Variants in RPL27A observed in about 807,000 individuals in gnomAD.
The protein encoded by RPL27A is large ribosomal subunit protein uL15.
For missense variants in RPL27A, 118 were observed against 189.4 expected (o/e 0.62, Z 2.21); for synonymous variants, 69 against 68.3 (o/e 1.01, Z -0.05).
Position 8,685,712 on chromosome 11 carries a change from C to T in RPL27A, c.353C>T (p.Pro118Leu). 1 of 1,614,118 alleles carries T rather than the reference C, an allele frequency of 6.2e-7. No individual in the cohort carries two copies. The highest frequency in any genetic ancestry group is 8.5e-7 in the Non-Finnish European group (1 of 1,179,984). The change falls in exon 5 of 5, where the codon CCA (proline) becomes CTA (leucine). Residue 118 changes from proline to leucine, a missense_variant. By Grantham distance (98) the Pro-to-Leu change is moderately conservative (BLOSUM62 -3). Coordinates refer to ENST00000314138, the MANE Select transcript of RPL27A (RefSeq NM_000990.5). ...AAAGTTCTGGGAAAGGGAAAGCTCCCAAAGCAGCCTGTCATCGTGAAGGCC... is the reference window on the plus strand; with the variant it reads ...AAAGTTCTGGGAAAGGGAAAGCTCCTAAAGCAGCCTGTCATCGTGAAGGCC... Reference protein sequence around the residue: ...YYKVLGKGKLPKQPVIVKAKF... With the variant: ...YYKVLGKGKLLKQPVIVKAKF...
At chr11:8,685,550 T>C (rs1277023353) in intron 4 of RPL27A, 128 bp from the exon 5 acceptor site, 2 of 1,032,454 alleles carry the variant, frequency 1.9e-6, no homozygotes, top group Admixed American at 1.7e-5. Context: ...CCCCCGTTAG[T>C]GCCCAGATCA....
Position 8,688,729 on chromosome 11 carries a change from C to T in RPL27A, c.*2923C>T, listed in dbSNP as rs1372131287. ...CATAATTTGCACAAGCAGTGCTCGT[C>T]AAGGGCAGCTAAATCAGGCGAGCTT... On this transcript the variant is annotated 3_prime_UTR_variant, in exon 5 of 5. Coordinates refer to ENST00000314138, the MANE Select transcript of RPL27A (RefSeq NM_000990.5). 2 of 152,246 alleles carry T rather than the reference C, an allele frequency of 1.3e-5. No homozygotes were observed. Among genetic ancestry groups the T allele is most frequent in the Non-Finnish European group, 2.9e-5 (2 of 68,042 alleles). 9.4% of individuals were successfully genotyped at this position (152,246 alleles called of 1,614,324 possible).
At chr11:8,684,392 A>C in intron 3 of RPL27A, 2 of 718,664 alleles carry the variant, frequency 2.8e-6, no homozygotes, top group East Asian at 5.5e-5. Flanking sequence ...GTGGATGATA[A>C]ATTTTGGCTA....
chr11:8,685,658 T>G lies in RPL27A; in HGVS notation c.319-20T>G, dbSNP rs2039580447. ...GTACCTACTACAGTGTATTGTAAAC[T>G]TTTTTCTCTGTTCTTCTAGGGCTAC... On this transcript the variant is annotated intron_variant, in intron 4 of 4. Transcript: ENST00000314138. 1 of 1,613,782 alleles carries G rather than the reference T, an allele frequency of 6.2e-7. No individual in the cohort carries two copies. The highest frequency in any genetic ancestry group is 1.3e-5 in the African/African-American group (1 of 74,912).
chr11:8,685,392 T>C (rs2039576544), intron 4 of RPL27A: 1 of 602,350 alleles, frequency 1.7e-6, no homozygotes, highest in South Asian at 1.4e-5. Context: ...GTGGTTGTCT[T>C]CTTTTGCTTA....
chr11:8,682,994 G>T (rs1260017791), intron 1 of RPL27A, 178 bp downstream of exon 1: 9 of 930,518 alleles, frequency 9.7e-6, no homozygotes, highest in Non-Finnish European at 1.3e-5. Context: ...CCGTGTGTTA[G>T]GCCCGCGGTT....
chr11:8,683,328 A>C lies in RPL27A; in HGVS notation c.67+63A>C, dbSNP rs540737949. On this transcript the variant is annotated intron_variant, in intron 2 of 4. Coordinates refer to ENST00000314138, the MANE Select transcript of RPL27A (RefSeq NM_000990.5). The stretch of plus-strand genomic sequence containing the variant: ...CTCTTCGGGTGCTTAGCTAGTCTGG[A>C]GATCGGTAGCCTATAAGTGGGTTAG... The C allele has an allele frequency of 8.6e-4, 1,230 of 1,426,798 alleles. 1 individual carries two copies. Among genetic ancestry groups the C allele is most frequent in the Non-Finnish European group, 1.1e-3 (1,099 of 1,009,974 alleles). The allele number at this position is 1,426,798 out of a possible 1,614,324, so 88.4% of individuals were successfully genotyped here. A position where few individuals can be genotyped will look rare whatever the true frequency, so the allele number is the denominator to read the frequency against.
Position 8,682,833 on chromosome 11 carries a change from T to A in RPL27A, c.3+17T>A. 6.2e-7 allele frequency: 1 copy of A among 1,610,790 alleles called. No individual in the cohort carries two copies. Among genetic ancestry groups the A allele is most frequent in the Non-Finnish European group, 8.5e-7 (1 of 1,178,328 alleles). On this transcript the variant is annotated intron_variant, in intron 1 of 4. Coordinates refer to ENST00000314138, the MANE Select transcript of RPL27A (RefSeq NM_000990.5). ...GCCAACATGGTAGGTGTTTCGTTTC[T>A]TGCCTCCTCTTCCTTGCCGGCGGAG...
At chr11:8,685,276 T>A in intron 4 of RPL27A, 1 of 453,374 alleles carries the variant, frequency 2.2e-6, no homozygotes, top group Admixed American at 3.0e-5. Context: ...CAGTCTTAAC[T>A]CTCATGAATA....
rs1247966678 is a variant in RPL27A, at chr11:8,686,891, C to CTA, written c.*1086_*1087dup. The CTA allele has an allele frequency of 6.6e-6, 1 of 152,068 alleles. No individual in the cohort carries two copies. The highest frequency in any genetic ancestry group is 1.5e-5 in the Non-Finnish European group (1 of 68,030). The allele number at this position is 152,068 out of a possible 1,614,324, so 9.4% of individuals were successfully genotyped here. A position where few individuals can be genotyped will look rare whatever the true frequency, so the allele number is the denominator to read the frequency against. On this transcript the variant is annotated 3_prime_UTR_variant, in exon 5 of 5. Coordinates refer to ENST00000314138, the MANE Select transcript of RPL27A (RefSeq NM_000990.5). ...TTTTTTTGACCCAAAATAATACAGT[C>CTA]TAAAACTATAGACAAATAAGATGGC... is the stretch of plus-strand genomic sequence containing the variant.
At chr11:8,683,176 C>CT (rs1361611458) in intron 1 of RPL27A, 26 bp from the exon 2 acceptor site, 8 of 1,613,232 alleles carry the variant, frequency 5.0e-6, no homozygotes, top group Non-Finnish European at 5.1e-6. Flanking sequence ...TTCCTTAGGC[C>CT]TTACCACCAA....
At chr11:8,682,989 TG>T in intron 1 of RPL27A, 173 bp downstream of exon 1, 1 of 944,946 alleles carries the variant, frequency 1.1e-6, no homozygotes, top group Non-Finnish European at 1.6e-6. Flanking sequence ...CGGAGCCGTG[TG>T]TTAGGCCCGC....
chr11:8,682,927 G>A (rs963687557), intron 1 of RPL27A, 111 bp downstream of exon 1: 4 of 1,398,850 alleles, frequency 2.9e-6, no homozygotes, highest in East Asian at 2.3e-5. Flanking sequence ...TCCAGGCTGC[G>A]CATGGCCGCC....
At position 8,685,570 on chromosome 11, in the gene RPL27A, A is replaced by G. The variant is rs2039579289; in HGVS notation, c.319-108A>G. 2.4e-6 allele frequency: 3 copies of G among 1,273,898 alleles called. No homozygotes were observed. In the East Asian group the frequency reaches 7.0e-5, roughly 30 times the overall value. 78.9% of individuals were successfully genotyped at this position (1,273,898 alleles called of 1,614,324 possible). A position where few individuals can be genotyped will look rare whatever the true frequency, so the allele number is the denominator to read the frequency against. On this transcript the variant is annotated intron_variant, in intron 4 of 4. Coordinates refer to ENST00000314138, the MANE Select transcript of RPL27A (RefSeq NM_000990.5). ...GTTAGTGCCCAGATCAGAAACATAC[A>G]TACCCTGCCTAGGGATTTAGAAAGT...
At chr11:8,683,025 G>T in intron 1 of RPL27A, 177 bp from the exon 2 acceptor site, 1 of 841,608 alleles carries the variant, frequency 1.2e-6, no homozygotes, top group Non-Finnish European at 1.9e-6. Context: ...GGACACGCGG[G>T]CCCCTGCGCT....
intron 2 of RPL27A, 124 bp from the exon 3 acceptor site, chr11:8,683,882 G>A (rs538052428): frequency 3.7e-5 from 29 of 775,132 alleles, no homozygotes; most frequent in South Asian, 8.2e-5. Context: ...GGGTTTCTCC[G>A]TGTTGGCCAG....
In RPL27A at chr11:8,683,225, G is replaced by A. The variant is rs1267907427; in HGVS notation, c.27G>A (p.Arg9=). Residue 9 remains arginine, a synonymous_variant, in exon 2 of 5, where the codon CGG becomes CGA. Coordinates refer to ENST00000314138, the MANE Select transcript of RPL27A (RefSeq NM_000990.5). ...AGCCATCCAGACTGAGGAAGACCCGGAAACTTAGGGGCCACGTGAGCCACG... is the reference window on the plus strand; with the variant it reads ...AGCCATCCAGACTGAGGAAGACCCGAAAACTTAGGGGCCACGTGAGCCACG... MPSRLRKT[R]KLRGHVSHGH... 6 of 1,614,266 alleles carry A rather than the reference G, an allele frequency of 3.7e-6. No homozygotes were observed. The highest frequency in any genetic ancestry group is 5.1e-6 in the Non-Finnish European group (6 of 1,180,038).
Position 8,684,003 on chromosome 11 carries a change from C to T in RPL27A, c.68-3C>T. 1 of 1,610,850 alleles carries T rather than the reference C, an allele frequency of 6.2e-7. No homozygotes were observed. The highest frequency in any genetic ancestry group is 8.5e-7 in the Non-Finnish European group (1 of 1,179,656). On this transcript the variant is annotated splice_region_variant and splice_polypyrimidine_tract_variant and intron_variant, in intron 2 of 4. Coordinates refer to ENST00000314138, the MANE Select transcript of RPL27A (RefSeq NM_000990.5). ...GGCCCCACGTAGCTTTGTATTCCTG[C>T]AGGCAAGCACCGGAAGCACCCCGGC...
At position 8,689,446 on chromosome 11, in the gene RPL27A, G is replaced by GT. The variant is rs2039617898; in HGVS notation, c.*3646dup. 1 of 151,316 alleles carries GT rather than the reference G, an allele frequency of 6.6e-6. No individual in the cohort carries two copies. The highest frequency in any genetic ancestry group is 1.5e-5 in the Non-Finnish European group (1 of 67,898). 9.4% of individuals were successfully genotyped at this position (151,316 alleles called of 1,614,324 possible). A position where few individuals can be genotyped will look rare whatever the true frequency, so the allele number is the denominator to read the frequency against. On this transcript the variant is annotated 3_prime_UTR_variant, in exon 5 of 5. Transcript: ENST00000314138. ...TGAGCACGAAGTATGTTTTGGTGCA[G>GT]TTTTTTGTTCAACCCAATGCGTATT...
Sources: gnomAD v4.1 joint callset for allele counts on GRCh38, gnomAD v4.1.1 for gene constraint, MANE v1.5 for transcripts, NCBI Gene and HGNC (gene_info 2026-07-23, HGNC 2026-07-21) for gene names.